The following SGCD variants were observed in gnomAD, a reference collection of about 807,000 sequenced individuals.
SGCD encodes delta-sarcoglycan.
A neutral mutation model predicts 36.6 loss-of-function variants in SGCD; 18 were observed. The observed-to-expected ratio is 0.49, with a 90% confidence interval of 0.34 to 0.73. SGCD has a LOEUF of 0.73. SGCD is among the 30% of genes least tolerant of loss of function. The probability of loss-of-function intolerance (pLI) is 0.01; values close to 1 mark genes in which losing one functional copy is unlikely to be tolerated. For synonymous variants in SGCD, 133 were observed against 130.6 expected (o/e 1.02, Z -0.12); for missense variants, 387 against 346.7 (o/e 1.12, Z -0.92).
the SGCD span, among the ~76,000 whole-genome samples, chr5:155,731,063 GAC>G: frequency 5.9e-5 from 9 of 152,254 alleles, no homozygotes; most frequent in South Asian, 1.9e-3. Flanking sequence ...ATTACAGAAA[GAC>G]AGTCAGACAG....
At chr5:155,887,878 T>G (rs1314175699) in intron 1 of SGCD, among the ~76,000 whole-genome samples, 1 of 152,212 alleles carries the variant, frequency 6.6e-6, no homozygotes, top group Admixed American at 6.5e-5. Context: ...TTTATGTTGA[T>G]CCTTAATTTA....
At chr5:156,251,363 C>G (rs1252806648) in intron 3 of SGCD, among the ~76,000 whole-genome samples, 1 of 152,128 alleles carries the variant, frequency 6.6e-6, no homozygotes, top group Non-Finnish European at 1.5e-5. Flanking sequence ...CCTAGACCCC[C>G]TTTTCCCTCT....
Position 156,211,166 on chromosome 5 carries a change from GA to G in SGCD, c.-44+87156del, listed in dbSNP as rs536678409. ...GGATGATATATTCAAAGTGCTAAAG[GA>G]AAAAAAAACAAAAAACAAAGAATAC... On this transcript the variant is annotated intron_variant, in intron 3 of 9. Coordinates refer to the SGCD transcript ENST00000517913. 2.7e-5 allele frequency among the ~76,000 whole-genome samples: 4 copies of G among 147,458 alleles called. No homozygotes were observed. The South Asian group carries it at 8.6e-4, about 32-fold the overall frequency.
intron 3 of SGCD, among the ~76,000 whole-genome samples, chr5:156,401,148 C>T: frequency 6.6e-6 from 1 of 152,202 alleles, no homozygotes; most frequent in East Asian, 1.9e-4. Context: ...TGCACAGTAA[C>T]TTAAGAGAAT....
chr5:156,541,395 C>T (rs1195787743), intron 4 of SGCD, among the ~76,000 whole-genome samples: 1 of 152,060 alleles, frequency 6.6e-6, no homozygotes, highest in African/African-American at 2.4e-5. Flanking sequence ...AGGGAGGGAG[C>T]TCCTCGGTGG....
intron 3 of SGCD, among the ~76,000 whole-genome samples, chr5:156,459,019 T>C (rs1395446739): frequency 6.6e-6 from 1 of 152,174 alleles, no homozygotes; most frequent in Non-Finnish European, 1.5e-5. Context: ...AATTATCTTA[T>C]TTTTCATTCA....
intron 1 of SGCD, among the ~76,000 whole-genome samples, chr5:156,028,581 T>C (rs1759272945): frequency 6.6e-6 from 1 of 152,138 alleles, no homozygotes; most frequent in African/African-American, 2.4e-5. Flanking sequence ...TATATAGGAA[T>C]TGGTCAATAA....
chr5:156,194,566 G>A (rs1461704648), intron 3 of SGCD, among the ~76,000 whole-genome samples: 1 of 151,968 alleles, frequency 6.6e-6, no homozygotes, highest in African/African-American at 2.4e-5. Flanking sequence ...AAGGTATTTT[G>A]CATAGATAAG....
At chr5:156,005,592 A>C (rs1354187228) in intron 1 of SGCD, among the ~76,000 whole-genome samples, 1 of 152,112 alleles carries the variant, frequency 6.6e-6, no homozygotes, top group African/African-American at 2.4e-5. Context: ...CTGGGACTAC[A>C]GGCGCCTGCC....
chr5:155,760,059 A>G, the SGCD span, among the ~76,000 whole-genome samples: 8 of 152,042 alleles, frequency 5.3e-5, no homozygotes, highest in Non-Finnish European at 8.8e-5. Flanking sequence ...CACCATTGTT[A>G]TCATCATCAC....
At chr5:156,758,700 C>T (rs1298624800) in intron 8 of SGCD, among the ~76,000 whole-genome samples, 3 of 151,926 alleles carry the variant, frequency 2.0e-5, no homozygotes, top group Admixed American at 6.6e-5. Context: ...GCAGCTTCCA[C>T]AACTGCTTAT....
At chr5:156,109,909 G>A (rs1351192527) in intron 1 of SGCD, among the ~76,000 whole-genome samples, 1 of 152,110 alleles carries the variant, frequency 6.6e-6, no homozygotes, top group Non-Finnish European at 1.5e-5. Context: ...GACAACTATG[G>A]GTTACGAATC....
chr5:155,771,790 G>C, the SGCD span, among the ~76,000 whole-genome samples: 1 of 152,056 alleles, frequency 6.6e-6, no homozygotes, highest in Non-Finnish European at 1.5e-5. Flanking sequence ...GGGCTCAAGT[G>C]ATCCTCCAGT....
At chr5:155,739,169 T>C in the SGCD span, among the ~76,000 whole-genome samples, 1 of 152,222 alleles carries the variant, frequency 6.6e-6, no homozygotes, top group African/African-American at 2.4e-5. Flanking sequence ...GTAAAGATAA[T>C]GGTCCCTGCC....
intron 4 of SGCD, among the ~76,000 whole-genome samples, chr5:156,579,626 T>TTAGC (rs1302078091): frequency 5.3e-5 from 8 of 152,254 alleles, no homozygotes; most frequent in Admixed American, 3.3e-4. Context: ...TTTAGGATAG[T>TTAGC]TAGCTCCTCT....
chr5:156,126,158 G>A (rs1316515445), intron 3 of SGCD, among the ~76,000 whole-genome samples: 1 of 152,100 alleles, frequency 6.6e-6, no homozygotes, highest in African/African-American at 2.4e-5. Context: ...TGGGATTACA[G>A]GCATGAGCCA....
intron 6 of SGCD, among the ~76,000 whole-genome samples, chr5:156,611,903 A>G (rs1561814444): frequency 1.3e-5 from 2 of 152,020 alleles, no homozygotes; most frequent in African/African-American, 4.8e-5. Context: ...CATTTATTGA[A>G]TTTTTCAACT....
chr5:156,453,789 C>T (rs563914132), intron 3 of SGCD, among the ~76,000 whole-genome samples: 3 of 152,304 alleles, frequency 2.0e-5, no homozygotes, highest in South Asian at 2.1e-4. Flanking sequence ...TGGAATTGGT[C>T]AGCAAACTGC....
intron 6 of SGCD, among the ~76,000 whole-genome samples, chr5:156,597,627 G>A (rs1760982453): frequency 6.6e-6 from 1 of 152,188 alleles, no homozygotes; most frequent in South Asian, 2.1e-4. Context: ...GCCAAACCAT[G>A]TCGGTGAGGA....
Sources: gnomAD v4.1 joint callset for allele counts (sites outside exome capture counted in the v4.1 genomes callset) on GRCh38, gnomAD v4.1.1 for gene constraint, MANE v1.5 for transcripts, NCBI Gene and HGNC (gene_info 2026-07-23, HGNC 2026-07-21) for gene names.